ENTHD1: variants seen among roughly 807,000 people sequenced by gnomAD.
ENTHD1 encodes the protein ENTH domain containing 1.
ENTHD1 carries 23 observed loss-of-function variants against 39.1 expected under a neutral mutation model. That is an observed-to-expected ratio of 0.59 (90% CI 0.42 to 0.83). The LOEUF (loss-of-function observed/expected upper bound fraction) is 0.83. Among genes scored for constraint, ENTHD1 ranks in the 40% least tolerant of loss-of-function variants. The pLI, the probability that ENTHD1 is intolerant of heterozygous loss-of-function variation, is 0.00. For missense variants in ENTHD1, 624 were observed against 705.4 expected, an observed-to-expected ratio of 0.88 and a Z score of 1.31; for synonymous variants, 230 against 258.2, an observed-to-expected ratio of 0.89 and a Z score of 1.05.
At chr22:39,874,999 G>A (rs1340321364) in intron 2 of ENTHD1, among the ~76,000 whole-genome samples, 4 of 152,148 alleles carry the variant, frequency 2.6e-5, no homozygotes, top group South Asian at 4.1e-4. Context: ...ATACCAAAGA[G>A]AACCGAATGC....
intron 5 of ENTHD1, among the ~76,000 whole-genome samples, chr22:39,810,750 A>G (rs543979525): frequency 6.6e-6 from 1 of 152,316 alleles, no homozygotes; most frequent in South Asian, 2.1e-4. Flanking sequence ...TGGGCTCTTT[A>G]CTAGGGCAAA....
At chr22:39,776,754 T>A (rs2065368537) in intron 5 of ENTHD1, among the ~76,000 whole-genome samples, 2 of 152,238 alleles carry the variant, frequency 1.3e-5, no homozygotes, top group African/African-American at 2.4e-5. Context: ...TAACTAAGAA[T>A]ACTTTTGCCA....
Position 39,744,276 on chromosome 22 carries a change from AGTT to A in ENTHD1, c.1224_1226del (p.Thr409del). The stretch of plus-strand genomic sequence containing the variant: ...AAAAGGAAGATGCTCCCTCAGAAGC[AGTT>A]GAAACTAAAATGTGTAAATGAGAGA... On this transcript the variant is annotated inframe_deletion, in exon 7 of 7. Transcript: ENST00000325157. 6.3e-7 allele frequency: 1 copy of A among 1,590,398 alleles called. No homozygotes were observed. The highest frequency in any genetic ancestry group is 1.2e-5 in the South Asian group (1 of 86,588).
chr22:39,776,155 A>C (rs1201501461), intron 5 of ENTHD1, among the ~76,000 whole-genome samples: 1 of 152,184 alleles, frequency 6.6e-6, no homozygotes, highest in Non-Finnish European at 1.5e-5. Flanking sequence ...AGCCTTCAAA[A>C]GCGCTGGGAT....
At chr22:39,831,821 T>C (rs1407492073) in intron 4 of ENTHD1, among the ~76,000 whole-genome samples, 1 of 152,024 alleles carries the variant, frequency 6.6e-6, no homozygotes, top group Non-Finnish European at 1.5e-5. Flanking sequence ...AGCAAAATTC[T>C]GTCTCAAAAA....
At chr22:39,829,075 C>T (rs918691625) in intron 4 of ENTHD1, among the ~76,000 whole-genome samples, 1 of 152,144 alleles carries the variant, frequency 6.6e-6, no homozygotes, top group Non-Finnish European at 1.5e-5. Context: ...TTGACAACAA[C>T]AATTAGATTT....
At chr22:39,794,498 G>C (rs1451743011) in intron 5 of ENTHD1, among the ~76,000 whole-genome samples, 1 of 152,044 alleles carries the variant, frequency 6.6e-6, no homozygotes, top group Non-Finnish European at 1.5e-5. Context: ...ATGTTGAATA[G>C]GAGTGGTAAA....
At chr22:39,851,103 C>T (rs961070420) in intron 3 of ENTHD1, among the ~76,000 whole-genome samples, 2 of 152,122 alleles carry the variant, frequency 1.3e-5, no homozygotes, top group Non-Finnish European at 2.9e-5. Flanking sequence ...CTTGCTGGTA[C>T]ACAATTATAG....
chr22:39,822,433 T>C (rs1241542078), intron 4 of ENTHD1, among the ~76,000 whole-genome samples: 2 of 152,214 alleles, frequency 1.3e-5, no homozygotes, highest in African/African-American at 2.4e-5. Flanking sequence ...TTGTCTGTTC[T>C]TGAGTTTCAT....
intron 3 of ENTHD1, among the ~76,000 whole-genome samples, chr22:39,842,248 G>T (rs1199779003): frequency 6.6e-6 from 1 of 152,028 alleles, no homozygotes; most frequent in East Asian, 1.9e-4. Flanking sequence ...TATCTTTGTG[G>T]TGTTCTCTGT....
chr22:39,743,715 G>A lies in ENTHD1; in HGVS notation c.1788C>T (p.Val596=), dbSNP rs1375894358. ...NSSQISQSSQ[V]PQSSEGSSDQ... The stretch of plus-strand genomic sequence containing the variant: ...CTGAGCTCCCCTCAGAAGACTGGGG[G>A]ACCTGGGAAGACTGGCTTATTTGTG... The change falls in exon 7 of 7, where the codon GTC becomes GTT. Residue 596 remains valine, a synonymous_variant. Coordinates refer to ENST00000325157, the MANE Select transcript of ENTHD1 (RefSeq NM_152512.4). 4 of 1,613,374 alleles carry A rather than the reference G, an allele frequency of 2.5e-6. No homozygotes were observed. Among genetic ancestry groups the A allele is most frequent in the Admixed American group, 1.7e-5 (1 of 59,964 alleles).
chr22:39,852,288 A>C (rs904539737), intron 3 of ENTHD1, among the ~76,000 whole-genome samples: 1 of 152,144 alleles, frequency 6.6e-6, no homozygotes, highest in Non-Finnish European at 1.5e-5. Context: ...TCAAGGTGGC[A>C]GTGAACTGTG....
At chr22:39,856,161 A>C (rs981358192) in intron 3 of ENTHD1, among the ~76,000 whole-genome samples, 3 of 151,556 alleles carry the variant, frequency 2.0e-5, no homozygotes, top group African/African-American at 4.8e-5. Context: ...GTAATCCCAG[A>C]TACTGGGGAG....
intron 2 of ENTHD1, among the ~76,000 whole-genome samples, chr22:39,884,417 T>C (rs2066364544): frequency 6.6e-6 from 1 of 152,110 alleles, no homozygotes; most frequent in Admixed American, 6.5e-5. Context: ...TGGCCTCAAG[T>C]GATCTGCCTG....
rs527243402 is a variant in ENTHD1, at chr22:39,743,549, T to C, written c.*130A>G. The C allele has an allele frequency of 1.5e-5, 17 of 1,101,934 alleles. No individual in the cohort carries two copies. In the East Asian group the frequency reaches 3.8e-4, roughly 25 times the overall value. The allele number at this position is 1,101,934 out of a possible 1,614,324, so 68.3% of individuals were successfully genotyped here. On this transcript the variant is annotated 3_prime_UTR_variant, in exon 7 of 7. Coordinates refer to ENST00000325157, the MANE Select transcript of ENTHD1 (RefSeq NM_152512.4). Reference sequence around the variant, plus strand: ...AAGTATTAGTTTGAAAGATACTTGCTAATAAACCTGACAAGGAAAAATTAA... The same window carrying C: ...AAGTATTAGTTTGAAAGATACTTGCCAATAAACCTGACAAGGAAAAATTAA...
rs5757790 is a variant in ENTHD1 at position 39,754,878 on chromosome 22, C to G, written c.1219+10345G>C. Among the ~76,000 whole-genome samples, 41 of 152,342 alleles carry G rather than the reference C, an allele frequency of 2.7e-4. 1 individual carries two copies. The East Asian group carries it at 7.5e-3, about 28-fold the overall frequency. ...TCATTAGCCTAGCTTAAGACCTTTA[C>G]TGACCAGCACTGTCTTCAAATTAAA... On this transcript the variant is annotated intron_variant, in intron 6 of 6. Transcript: ENST00000325157.
chr22:39,785,507 ATCTC>A (rs980073128), intron 5 of ENTHD1, among the ~76,000 whole-genome samples: 1 of 152,026 alleles, frequency 6.6e-6, no homozygotes. Context: ...AGAGACAACT[ATCTC>A]TCTTTCTCAT....
chr22:39,815,116 T>C (rs1426118396), intron 5 of ENTHD1, among the ~76,000 whole-genome samples: 3 of 152,316 alleles, frequency 2.0e-5, no homozygotes, highest in Admixed American at 6.5e-5. Flanking sequence ...GTCACACCTA[T>C]GAAATGTGTC....
chr22:39,857,553 T>C (rs1352175027), intron 3 of ENTHD1, among the ~76,000 whole-genome samples: 1 of 151,856 alleles, frequency 6.6e-6, no homozygotes, highest in African/African-American at 2.4e-5. Context: ...TGTATCAATT[T>C]AGGGATTCAT....
Sources: gnomAD v4.1 joint callset for allele counts (sites outside exome capture counted in the v4.1 genomes callset) on GRCh38, gnomAD v4.1.1 for gene constraint, MANE v1.5 for transcripts, NCBI Gene and HGNC (gene_info 2026-07-23, HGNC 2026-07-21) for gene names.